BORCS5: variants seen among roughly 807,000 people sequenced by gnomAD.
BORCS5 encodes the protein BLOC-1-related complex subunit 5.
In BORCS5, 17 loss-of-function variants were observed where a neutral mutation model predicts 22.1. The ratio of observed to expected loss-of-function variants is 0.77; its 90% CI spans 0.53 to 1.15. The LOEUF is 1.15. Among genes scored for constraint, BORCS5 ranks in the 50% most tolerant of loss-of-function variants. BORCS5 has a pLI of 0.00. For missense variants in BORCS5, 247 were observed against 253.2 expected (o/e 0.98, Z 0.17); for synonymous variants, 117 against 99.8 (o/e 1.17, Z -1.03).
chr12:12,396,255 A>G (rs1202578092), intron 2 of BORCS5, among the ~76,000 whole-genome samples: 1 of 151,248 alleles, frequency 6.6e-6, no homozygotes, highest in Non-Finnish European at 1.5e-5. Context: ...CCGAAGTGCT[A>G]GGATTACAGG....
intron 1 of BORCS5, among the ~76,000 whole-genome samples, chr12:12,360,116 C>G (rs1052772673): frequency 6.6e-5 from 10 of 152,152 alleles, no homozygotes; most frequent in African/African-American, 1.2e-4. Flanking sequence ...GTAATTCTAG[C>G]ACTTTGGGAG....
chr12:12,440,300 G>A (rs1005367072), intron 3 of BORCS5, among the ~76,000 whole-genome samples: 2 of 152,308 alleles, frequency 1.3e-5, no homozygotes, highest in East Asian at 3.9e-4. Flanking sequence ...TTGCAATCAG[G>A]GAGTCTAGTG....
At chr12:12,411,339 C>T (rs377091470) in intron 2 of BORCS5, among the ~76,000 whole-genome samples, 63 of 152,246 alleles carry the variant, frequency 4.1e-4, no homozygotes, top group African/African-American at 1.4e-3. Flanking sequence ...TTTGTCCATT[C>T]CGTATCACAT....
chr12:12,398,588 C>T (rs765978481), intron 2 of BORCS5, among the ~76,000 whole-genome samples: 15 of 152,022 alleles, frequency 9.9e-5, no homozygotes, highest in Non-Finnish European at 1.3e-4. Context: ...GAAGAATGGC[C>T]CCTGTAGCTC....
chr12:12,438,677 G>A (rs1253406901), intron 3 of BORCS5, among the ~76,000 whole-genome samples: 2 of 152,060 alleles, frequency 1.3e-5, no homozygotes, highest in Non-Finnish European at 2.9e-5. Flanking sequence ...GTAACACAGT[G>A]AACCTTAATG....
chr12:12,468,112 C>G lies in BORCS5; in HGVS notation c.*2336C>G, dbSNP rs1943231860. The G allele has an allele frequency of 6.6e-6, 1 of 152,304 alleles. No homozygotes were observed. Among genetic ancestry groups the G allele is most frequent in the Admixed American group, 6.5e-5 (1 of 15,284 alleles). 9.4% of individuals were successfully genotyped at this position (152,304 alleles called of 1,614,324 possible). On this transcript the variant is annotated 3_prime_UTR_variant, in exon 4 of 4. Transcript: ENST00000314565. Reference sequence around the variant, plus strand: ...TACTTGCTCTCCCTCACCATCCTTTCCAACCGCCTGGCCTGTGGTCTGGTG... The same window carrying G: ...TACTTGCTCTCCCTCACCATCCTTTGCAACCGCCTGGCCTGTGGTCTGGTG...
intron 3 of BORCS5, among the ~76,000 whole-genome samples, chr12:12,464,828 G>T (rs1196130623): frequency 2.0e-5 from 3 of 151,852 alleles, no homozygotes; most frequent in Non-Finnish European, 2.9e-5. Flanking sequence ...GTGGTGTGTT[G>T]TAAGGACGGG....
intron 2 of BORCS5, among the ~76,000 whole-genome samples, chr12:12,422,769 T>A (rs76450953): frequency 6.6e-6 from 1 of 152,024 alleles, no homozygotes; most frequent in Non-Finnish European, 1.5e-5. Flanking sequence ...GTCCAAAATA[T>A]AAACTAATAC....
chr12:12,372,771 C>T (rs534168271), intron 2 of BORCS5, among the ~76,000 whole-genome samples: 16 of 152,250 alleles, frequency 1.1e-4, no homozygotes, highest in African/African-American at 2.9e-4. Context: ...AATATTTGGC[C>T]TACTGCTTCT....
chr12:12,409,506 T>G (rs1941669814), intron 2 of BORCS5, among the ~76,000 whole-genome samples: 1 of 152,276 alleles, frequency 6.6e-6, no homozygotes, highest in South Asian at 2.1e-4. Context: ...TGCAATAGTT[T>G]GCTGAGAATG....
At chr12:12,366,105 C>G (rs1053350780) in intron 2 of BORCS5, among the ~76,000 whole-genome samples, 1 of 152,124 alleles carries the variant, frequency 6.6e-6, no homozygotes, top group Non-Finnish European at 1.5e-5. Context: ...TCTTTTTTCC[C>G]CCTTTCCTGC....
rs1943189824 is a variant in BORCS5, at chr12:12,465,733, T to C, written c.548T>C (p.Leu183Pro). ...LNSMLPEGER[L>P]EPFSMKPDRE... ...AGCATGCTGCCCGAGGGCGAGCGGCTGGAGCCCTTCAGCATGAAGCCCGAC... is the reference window on the plus strand; with the variant it reads ...AGCATGCTGCCCGAGGGCGAGCGGCCGGAGCCCTTCAGCATGAAGCCCGAC... The change falls in exon 4 of 4, where the codon CTG becomes CCG. Residue 183 changes from leucine to proline, a missense_variant. Physicochemically the swap from Leu to Pro is moderately conservative, Grantham distance 98. Transcript: ENST00000314565. 23 of 1,614,062 alleles carry C rather than the reference T, an allele frequency of 1.4e-5. No individual in the cohort carries two copies. Among genetic ancestry groups the C allele is most frequent in the Non-Finnish European group, 1.9e-5 (23 of 1,180,036 alleles).
chr12:12,462,769 G>C (rs1421821856), intron 3 of BORCS5, among the ~76,000 whole-genome samples: 2 of 152,090 alleles, frequency 1.3e-5, no homozygotes, highest in African/African-American at 4.8e-5. Context: ...CGATTCTCCT[G>C]CCTCAGCCTC....
At chr12:12,382,798 G>A (rs1487192988) in intron 2 of BORCS5, among the ~76,000 whole-genome samples, 2 of 151,252 alleles carry the variant, frequency 1.3e-5, no homozygotes, top group Non-Finnish European at 3.0e-5. Context: ...CTCCCAGAGT[G>A]TTGGGATTAC....
At chr12:12,444,061 T>C (rs1399655952) in intron 3 of BORCS5, among the ~76,000 whole-genome samples, 3 of 152,248 alleles carry the variant, frequency 2.0e-5, no homozygotes, top group Non-Finnish European at 4.4e-5. Context: ...ACAAGAATTT[T>C]AGCAAATTGA....
At chr12:12,410,009 T>C (rs1941686979) in intron 2 of BORCS5, among the ~76,000 whole-genome samples, 1 of 152,246 alleles carries the variant, frequency 6.6e-6, no homozygotes, top group Admixed American at 6.5e-5. Context: ...CATGTGTTTT[T>C]TGGCTGCATA....
chr12:12,459,312 AT>A (rs932962467), intron 3 of BORCS5, among the ~76,000 whole-genome samples: 280 of 145,640 alleles, frequency 1.9e-3, no homozygotes, highest in Non-Finnish European at 2.0e-3. Context: ...CAAGGTAGCA[AT>A]TTTTTTTTTT....
chr12:12,464,798 G>A (rs1163662453), intron 3 of BORCS5, among the ~76,000 whole-genome samples: 2 of 152,140 alleles, frequency 1.3e-5, no homozygotes, highest in Admixed American at 1.3e-4. Flanking sequence ...ACATGAGATA[G>A]TCCTCACAGT....
rs150110774 is a variant in BORCS5 at position 12,361,100 on chromosome 12, G to A, written c.59-106G>A. 129 of 1,144,964 alleles carry A rather than the reference G, an allele frequency of 1.1e-4. No individual in the cohort carries two copies. The African/African-American group carries it at 1.8e-3, about 16-fold the overall frequency. The allele number at this position is 1,144,964 out of a possible 1,614,324, so 70.9% of individuals were successfully genotyped here. A position where few individuals can be genotyped will look rare whatever the true frequency, so the allele number is the denominator to read the frequency against. ...CCACCCCAACCCCAACTGCAAGATA[G>A]CTACATTTTATAAAATTATTCTTTT... is the stretch of plus-strand genomic sequence containing the variant. On this transcript the variant is annotated intron_variant, in intron 1 of 3. Transcript: ENST00000314565.
Sources: gnomAD v4.1 joint callset for allele counts (sites outside exome capture counted in the v4.1 genomes callset) on GRCh38, gnomAD v4.1.1 for gene constraint, MANE v1.5 for transcripts, NCBI Gene and HGNC (gene_info 2026-07-23, HGNC 2026-07-21) for gene names.